Variants in FOXRED2 observed in about 807,000 individuals in gnomAD.
The protein encoded by FOXRED2 is FAD-dependent oxidoreductase domain-containing protein 2.
FOXRED2 carries 32 observed loss-of-function variants against 52.5 expected under a neutral mutation model. The ratio of observed to expected loss-of-function variants is 0.61; its 90% confidence interval spans 0.46 to 0.82. The LOEUF is 0.82. Ranked by LOEUF, FOXRED2 falls within the 40% of genes least tolerant of loss-of-function variation. The pLI is 0.00. For missense variants in FOXRED2, 848 were observed against 937.5 expected (o/e 0.90, Z 1.25); for synonymous variants, 405 against 398.1 (o/e 1.02, Z -0.21).
At chr22:36,500,933 A>G (rs1368861262) in intron 5 of FOXRED2, among the ~76,000 whole-genome samples, 1 of 151,978 alleles carries the variant, frequency 6.6e-6, no homozygotes, top group African/African-American at 2.4e-5. Context: ...TCTGTCACCC[A>G]GGCTGGAGTG....
At chr22:36,502,442 A>G (rs8141405) in intron 4 of FOXRED2, among the ~76,000 whole-genome samples, 3,708 of 152,262 alleles carry the variant, frequency 0.024, 150 homozygotes, top group African/African-American at 0.086. Context: ...AGCAACTAAC[A>G]TTTTATTGAG....
intron 6 of FOXRED2, among the ~76,000 whole-genome samples, chr22:36,497,104 T>A (rs1207003104): frequency 2.6e-5 from 4 of 151,784 alleles, no homozygotes; most frequent in African/African-American, 9.7e-5. Flanking sequence ...CGCTTGAACC[T>A]GGGAGGTGGG....
intron 6 of FOXRED2, 27 bp from the exon 7 acceptor site, chr22:36,496,235 C>T (rs1933894209): frequency 1.2e-6 from 2 of 1,611,610 alleles, no homozygotes; most frequent in Admixed American, 1.7e-5. Flanking sequence ...GCGGGGGAGG[C>T]CCTCAGTGCT....
chr22:36,493,650 A>G lies in FOXRED2; in HGVS notation c.1778T>C (p.Leu593Ser), dbSNP rs1403659970. 1.2e-6 allele frequency: 2 copies of G among 1,614,018 alleles called. No homozygotes were observed. The highest frequency in any genetic ancestry group is 1.7e-6 in the Non-Finnish European group (2 of 1,180,008). ...TAAGTTACCTGCATAGAAGCTTCGC[A>G]AATCGGTGTCCAAACAGTTCTCCAG... ...RFLENCLDTD[L>S]RSFYAESCFL... The change falls in exon 8 of 9, where the codon TTG (leucine) becomes TCG (serine). Residue 593 changes from leucine (L) to serine (S), a missense_variant. Leu to Ser is a moderately radical substitution (Grantham distance 145). Coordinates refer to ENST00000397224, the MANE Select transcript of FOXRED2 (RefSeq NM_001102371.2).
chr22:36,491,712 G>C (rs1933761660), intron 8 of FOXRED2, among the ~76,000 whole-genome samples: 1 of 152,154 alleles, frequency 6.6e-6, no homozygotes, highest in Non-Finnish European at 1.5e-5. Context: ...AATAGATGCT[G>C]CCATGCGTCC....
chr22:36,498,278 G>C (rs879915883), intron 5 of FOXRED2, 122 bp from the exon 6 acceptor site: 7 of 1,135,390 alleles, frequency 6.2e-6, no homozygotes, highest in Non-Finnish European at 8.6e-6. Flanking sequence ...CCATGGCCCA[G>C]CGCAAACGCC....
rs757252233 is a variant in FOXRED2, at chr22:36,501,390, G to A, written c.1067C>T (p.Ser356Leu). Residue 356 changes from serine to leucine, a missense_variant, in exon 5 of 9, where the codon TCG becomes TTG. By Grantham distance (145) the Ser-to-Leu change is moderately radical. Coordinates refer to ENST00000397224, the MANE Select transcript of FOXRED2 (RefSeq NM_001102371.2). ...GTACTTCTTGCCGAATGCATTTCCC[G>A]AGTTAAGTCTGAGGGACCTGTCAGT... The part of the protein sequence containing the change: ...SIFNKSLRLN[S>L]GNAFGKKYPL... The A allele has an allele frequency of 5.0e-6, 8 of 1,613,980 alleles. No individual in the cohort carries two copies. The Admixed American group carries it at 5.0e-5, about 10-fold the overall frequency.
rs1293098759 is a variant in FOXRED2, at chr22:36,487,941, A to T, written c.*2067T>A. On this transcript the variant is annotated 3_prime_UTR_variant, in exon 9 of 9. Transcript: ENST00000397224. ...ACCCTGTCTCTACTAAAAATACAAA[A>T]ATTAGCTGGGCGTGGTGGCAGGCGC... The T allele has an allele frequency of 6.6e-6, 1 of 152,042 alleles. No individual in the cohort carries two copies. The highest frequency in any genetic ancestry group is 6.6e-5 in the Admixed American group (1 of 15,260). 9.4% of individuals were successfully genotyped at this position (152,042 alleles called of 1,614,324 possible).
intron 7 of FOXRED2, among the ~76,000 whole-genome samples, chr22:36,494,789 G>A (rs771319968): frequency 6.6e-6 from 1 of 151,906 alleles, no homozygotes; most frequent in African/African-American, 2.4e-5. Context: ...ACAGGCGCAC[G>A]CCACCACGCT....
At chr22:36,493,854 C>G in intron 7 of FOXRED2, 51 bp from the exon 8 acceptor site, 1 of 1,538,456 alleles carries the variant, frequency 6.5e-7, no homozygotes, top group African/African-American at 1.4e-5. Flanking sequence ...CTGGGCTTCC[C>G]CTCCTCGGGC....
chr22:36,504,283 G>A lies in FOXRED2; in HGVS notation c.864C>T (p.Ile288=). The A allele has an allele frequency of 6.2e-7, 1 of 1,614,172 alleles. No homozygotes were observed. Among genetic ancestry groups the A allele is most frequent in the Non-Finnish European group, 8.5e-7 (1 of 1,180,028 alleles). The stretch of plus-strand genomic sequence containing the variant: ...GGAACTTGCCTTTGCTGTCCTTCAG[G>A]ATGGCCAGATCCGTCAGGTCAGACT... ...LLESDLTDLA[I]LKDSKGKFHV... is the part of the protein sequence containing the mutation. The change falls in exon 4 of 9, where the codon ATC becomes ATT. Residue 288 remains isoleucine (I), a synonymous_variant. Coordinates refer to ENST00000397224, the MANE Select transcript of FOXRED2 (RefSeq NM_001102371.2).
rs1934144943 is a variant in FOXRED2 at position 36,504,602 on chromosome 22, T to C, written c.692A>G (p.Asn231Ser). ...GATAAAGTTTGTGACACCCAAGATGTTCTCTGCTGTCTCAAAGGCCGAGTT... is the reference window on the plus strand; with the variant it reads ...GATAAAGTTTGTGACACCCAAGATGCTCTCTGCTGTCTCAAAGGCCGAGTT... ...RGNSAFETAE[N>S]ILGVTNFIHM... Residue 231 changes from asparagine to serine, a missense_variant, in exon 3 of 9, where the codon AAC becomes AGC. Physicochemically the swap from Asn to Ser is conservative, Grantham distance 46. Transcript: ENST00000397224. 1 of 1,614,178 alleles carries C rather than the reference T, an allele frequency of 6.2e-7. No homozygotes were observed. The highest frequency in any genetic ancestry group is 8.5e-7 in the Non-Finnish European group (1 of 1,180,022).
At chr22:36,499,499 G>A (rs1027110440) in intron 5 of FOXRED2, among the ~76,000 whole-genome samples, 1 of 152,220 alleles carries the variant, frequency 6.6e-6, no homozygotes, top group African/African-American at 2.4e-5. Context: ...GGTGGTGCAC[G>A]CCTGAAGTCC....
intron 7 of FOXRED2, among the ~76,000 whole-genome samples, 188 bp downstream of exon 7, chr22:36,495,779 T>C (rs1229330310): frequency 1.3e-5 from 2 of 152,226 alleles, no homozygotes; most frequent in African/African-American, 2.4e-5. Flanking sequence ...AGTCACGGTA[T>C]GTGTCAGAAT....
In FOXRED2 at chr22:36,501,302, G is replaced by C. The variant is rs375528008; in HGVS notation, c.1155C>G (p.Ala385=). 3 of 1,614,142 alleles carry C rather than the reference G, an allele frequency of 1.9e-6. No individual in the cohort carries two copies. The highest frequency in any genetic ancestry group is 2.5e-6 in the Non-Finnish European group (3 of 1,180,028). The change falls in exon 5 of 9, where the codon GCC becomes GCG. Residue 385 remains alanine, a synonymous_variant. Transcript: ENST00000397224. ...GSRGLFILGT[A]SHSVDYRKSA... is the part of the protein sequence containing the mutation. ...ATTTCCGGTAGTCCACCGAGTGGCT[G>C]GCAGTACCCAGGATAAACAGACCCC...
chr22:36,493,310 G>T (rs1191738421), intron 8 of FOXRED2, among the ~76,000 whole-genome samples: 3 of 152,120 alleles, frequency 2.0e-5, no homozygotes, highest in Non-Finnish European at 4.4e-5. Flanking sequence ...ATGGTGGCAT[G>T]TGCCTGTAGT....
chr22:36,500,576 C>A (rs1372188009), intron 5 of FOXRED2, among the ~76,000 whole-genome samples: 1 of 143,202 alleles, frequency 7.0e-6, no homozygotes, highest in Non-Finnish European at 1.5e-5. Context: ...TGATATAATC[C>A]AATTACATTT....
Position 36,504,088 on chromosome 22 carries a change from T to C in FOXRED2, c.1049+10A>G. ...CTAGGAGAGCCCACCTCCTTCCGCATGGAACTCACTTATTGAAAATGGAGA... is the reference window on the plus strand; with the variant it reads ...CTAGGAGAGCCCACCTCCTTCCGCACGGAACTCACTTATTGAAAATGGAGA... On this transcript the variant is annotated intron_variant, in intron 4 of 8. Transcript: ENST00000397224. 5 of 1,612,364 alleles carry C rather than the reference T, an allele frequency of 3.1e-6. No individual in the cohort carries two copies. The highest frequency in any genetic ancestry group is 4.2e-6 in the Non-Finnish European group (5 of 1,178,796).
At chr22:36,491,592 A>G (rs746351357) in intron 8 of FOXRED2, among the ~76,000 whole-genome samples, 13 of 151,994 alleles carry the variant, frequency 8.6e-5, no homozygotes, top group Non-Finnish European at 1.9e-4. Flanking sequence ...TTAAGTAGGG[A>G]GAGGGTTTCA....
Sources: gnomAD v4.1 joint callset for allele counts (sites outside exome capture counted in the v4.1 genomes callset) on GRCh38, gnomAD v4.1.1 for gene constraint, MANE v1.5 for transcripts, NCBI Gene and HGNC (gene_info 2026-07-23, HGNC 2026-07-21) for gene names.